Variants in IGSF3 observed in about 807,000 individuals in gnomAD.
The protein encoded by IGSF3 is glu-Trp-Ile EWI motif-containing protein 3.
IGSF3 carries 23 observed loss-of-function variants against 114.4 expected under a neutral mutation model. That is an observed-to-expected ratio of 0.20 (90% confidence interval 0.14 to 0.28). The LOEUF (loss-of-function observed/expected upper bound fraction) is 0.28. IGSF3 is among the 10% of genes least tolerant of loss of function. The probability of loss-of-function intolerance (pLI) is 1.00; values close to 1 mark genes in which losing one functional copy is unlikely to be tolerated. For missense variants in IGSF3, 1,172 were observed against 1,591.5 expected (o/e 0.74, Z 4.48); for synonymous variants, 571 against 645.2 (o/e 0.88, Z 1.74).
Position 116,616,681 on chromosome 1 carries a change from G to C in IGSF3, c.44-224C>G, listed in dbSNP as rs922682006. ...ATATATGGGAATTTGATCATGCCAA[G>C]ATGTGCTTTTGTTACTTATTCAACA... On this transcript the variant is annotated intron_variant, in intron 2 of 10. Transcript: ENST00000369486. This position sits in a 1 kb window ranked among gnomAD's most constrained non-coding sequence, Gnocchi z 6.6. Among the ~76,000 whole-genome samples, 1 of 152,186 alleles carries C rather than the reference G, an allele frequency of 6.6e-6. No individual in the cohort carries two copies. The highest frequency in any genetic ancestry group is 2.4e-5 in the African/African-American group (1 of 41,434).
In IGSF3 at chr1:116,586,949, TG is replaced by T. The variant is rs554525467; in HGVS notation, c.2440+1744del. Among the ~76,000 whole-genome samples the T allele has an allele frequency of 1.4e-3, 211 of 152,184 alleles. 1 individual carries two copies. The highest frequency in any genetic ancestry group is 4.9e-3 in the African/African-American group (202 of 41,534). ...GGAATCACTTCAGACCAGAGCTTCC[TG>T]TTTAATGCACCAGCAGAGGTTAGCA... On this transcript the variant is annotated intron_variant, in intron 8 of 10. Transcript: ENST00000369486.
rs1257352749 is a variant in IGSF3 at position 116,633,539 on chromosome 1, C to G, written c.44-17082G>C. On this transcript the variant is annotated intron_variant, in intron 2 of 10. Transcript: ENST00000369486. This position sits in a 1 kb window ranked among gnomAD's most constrained non-coding sequence, Gnocchi z 4.3. ...CCCTGCATTTCCCTAACTATATATT[C>G]CCCTATGCCATGGAAAGGTGCATGT... 6.6e-6 allele frequency among the ~76,000 whole-genome samples: 1 copy of G among 152,076 alleles called. No individual in the cohort carries two copies. Among genetic ancestry groups the G allele is most frequent in the African/African-American group, 2.4e-5 (1 of 41,406 alleles).
rs995613109 is a variant in IGSF3 at position 116,612,004 on chromosome 1, A to C, written c.832+1761T>G. Among the ~76,000 whole-genome samples the C allele has an allele frequency of 6.6e-6, 1 of 152,228 alleles. No individual in the cohort carries two copies. Among genetic ancestry groups the C allele is most frequent in the African/African-American group, 2.4e-5 (1 of 41,462 alleles). The stretch of plus-strand genomic sequence containing the variant: ...ACTGCTGAACCTAAACAGCACAGGA[A>C]TGCAGGGTGAAGTCATCAACTTTTT... On this transcript the variant is annotated intron_variant, in intron 4 of 10. Coordinates refer to ENST00000369486, the MANE Select transcript of IGSF3 (RefSeq NM_001007237.3). The surrounding 1 kb of genome is among the most constrained non-coding windows in gnomAD (Gnocchi z 4.1).
rs1276022099 is a variant in IGSF3, at chr1:116,651,328, C to A, written c.43+14956G>T. On this transcript the variant is annotated intron_variant, in intron 2 of 10. Coordinates refer to ENST00000369486, the MANE Select transcript of IGSF3 (RefSeq NM_001007237.3). The surrounding 1 kb of genome is among the most constrained non-coding windows in gnomAD (Gnocchi z 4.4). ...CTTTCCAGCATACTCTTCCCAGGTT[C>A]TTTGGGCTACTGACAAGCACTCCAG... Among the ~76,000 whole-genome samples, 1 of 152,204 alleles carries A rather than the reference C, an allele frequency of 6.6e-6. No homozygotes were observed. The highest frequency in any genetic ancestry group is 1.5e-5 in the Non-Finnish European group (1 of 68,032).
chr1:116,619,739 C>T (rs35021702), intron 2 of IGSF3, among the ~76,000 whole-genome samples: 1 of 152,070 alleles, frequency 6.6e-6, no homozygotes, highest in Non-Finnish European at 1.5e-5. Context: ...CCCTCCCAAC[C>T]TACAATAGAA....
At chr1:116,611,113 T>C (rs997637175) in intron 4 of IGSF3, among the ~76,000 whole-genome samples, 7 of 152,196 alleles carry the variant, frequency 4.6e-5, no homozygotes, top group African/African-American at 1.2e-4. Flanking sequence ...CTTTTCTACC[T>C]GGTCTCTTGG....
chr1:116,603,755 A>G lies in IGSF3; in HGVS notation c.1493T>C (p.Ile498Thr). 1 of 1,614,014 alleles carries G rather than the reference A, an allele frequency of 6.2e-7. No individual in the cohort carries two copies. The highest frequency in any genetic ancestry group is 2.2e-5 in the East Asian group (1 of 44,884). ...QVQPNSFSLG[I>T]FNSRKEDEGQ... ...CTCGTCCTCCTTCCTGCTGTTGAAG[A>G]TGCCCAGGCTGAACGAGTTGGGCTG... Residue 498 changes from isoleucine (I) to threonine (T), a missense_variant, in exon 6 of 11, where the codon ATC (isoleucine) becomes ACC (threonine). Around this residue, in one of 3 missense-constraint regions of IGSF3, gnomAD observed 736 missense variants for 1,042.0 expected, o/e 0.71. Transcript: ENST00000369486. This position sits in a 1 kb window ranked among gnomAD's most constrained non-coding sequence, Gnocchi z 7.1.
rs1659822811 is a variant in IGSF3 at position 116,585,879 on chromosome 1, G to A, written c.2441-827C>T. ...CACACTCCAGCCTGTGCAACAGAGT[G>A]AGACTGTCTCAAAAAAAAGAAAAAG... On this transcript the variant is annotated intron_variant, in intron 8 of 10. Coordinates refer to ENST00000369486, the MANE Select transcript of IGSF3 (RefSeq NM_001007237.3). The surrounding 1 kb of genome is among the most constrained non-coding windows in gnomAD (Gnocchi z 4.9). 6.6e-6 allele frequency among the ~76,000 whole-genome samples: 1 copy of A among 152,198 alleles called. No homozygotes were observed. Among genetic ancestry groups the A allele is most frequent in the Admixed American group, 6.5e-5 (1 of 15,282 alleles).
Position 116,577,070 on chromosome 1 carries a change from A to G in IGSF3, c.*242T>C. 1.9e-6 allele frequency: 1 copy of G among 520,126 alleles called. No individual in the cohort carries two copies. Among genetic ancestry groups the G allele is most frequent in the Non-Finnish European group, 3.4e-6 (1 of 290,560 alleles). 32.2% of individuals were successfully genotyped at this position (520,126 alleles called of 1,614,324 possible). A position where few individuals can be genotyped will look rare whatever the true frequency, so the allele number is the denominator to read the frequency against. Reference sequence around the variant, plus strand: ...GGAGCTACTCACTACATTACTAAAAACAGAAACAAGAAATCTATAATGGCA... The same window carrying G: ...GGAGCTACTCACTACATTACTAAAAGCAGAAACAAGAAATCTATAATGGCA... On this transcript the variant is annotated 3_prime_UTR_variant, in exon 11 of 11. Coordinates refer to ENST00000369486, the MANE Select transcript of IGSF3 (RefSeq NM_001007237.3). This position sits in a 1 kb window ranked among gnomAD's most constrained non-coding sequence, Gnocchi z 5.7.
At position 116,603,589 on chromosome 1, in the gene IGSF3, T is replaced by C. The variant is rs373260049; in HGVS notation, c.1624+35A>G. On this transcript the variant is annotated intron_variant, in intron 6 of 10. Coordinates refer to ENST00000369486, the MANE Select transcript of IGSF3 (RefSeq NM_001007237.3). The surrounding 1 kb of genome is among the most constrained non-coding windows in gnomAD (Gnocchi z 7.1). ...GTGTTTGACACTGAAGCTGTCTCCA[T>C]GCCAGACCCACTGCCAGTCCCACCG... 1.3e-6 allele frequency: 2 copies of C among 1,596,650 alleles called. No homozygotes were observed. Among genetic ancestry groups the C allele is most frequent in the Non-Finnish European group, 1.7e-6 (2 of 1,169,422 alleles).
Position 116,614,061 on chromosome 1 carries a change from A to T in IGSF3, c.536T>A (p.Leu179Gln), listed in dbSNP as rs757743010. The T allele has an allele frequency of 3.1e-6, 5 of 1,614,066 alleles. No individual in the cohort carries two copies. The highest frequency in any genetic ancestry group is 1.3e-5 in the African/African-American group (1 of 74,948). ...VASETIQHSHLSVAWLRQKVG... is the reference protein window; with the variant it reads ...VASETIQHSHQSVAWLRQKVG... ...TTTCTGCCGGAGCCAGGCCACAGACAGGTGGCTGTGCTGAATGGTCTCTGA... is the reference window on the plus strand; with the variant it reads ...TTTCTGCCGGAGCCAGGCCACAGACTGGTGGCTGTGCTGAATGGTCTCTGA... The change falls in exon 4 of 11, where the codon CTG (leucine) becomes CAG (glutamine). Residue 179 changes from leucine (L) to glutamine (Q), a missense_variant. Physicochemically the swap from Leu to Gln is moderately radical, Grantham distance 113. Around this residue, in one of 3 missense-constraint regions of IGSF3, gnomAD observed 736 missense variants for 1,042.0 expected, o/e 0.71. Transcript: ENST00000369486. This position sits in a 1 kb window ranked among gnomAD's most constrained non-coding sequence, Gnocchi z 4.5.
chr1:116,653,220 A>G (rs1648705387), intron 2 of IGSF3, among the ~76,000 whole-genome samples: 1 of 152,192 alleles, frequency 6.6e-6, no homozygotes, highest in East Asian at 1.9e-4. Context: ...ACAGAGTAAA[A>G]AGCCTACTTG....
chr1:116,652,279 A>G (rs563887795), intron 2 of IGSF3, among the ~76,000 whole-genome samples: 3 of 152,340 alleles, frequency 2.0e-5, no homozygotes, highest in Admixed American at 2.0e-4. Flanking sequence ...CAATTGGTGC[A>G]CTAATTGCAA....
At position 116,628,201 on chromosome 1, in the gene IGSF3, G is replaced by C. The variant is rs1378768893; in HGVS notation, c.44-11744C>G. On this transcript the variant is annotated intron_variant, in intron 2 of 10. Transcript: ENST00000369486. The surrounding 1 kb of genome is among the most constrained non-coding windows in gnomAD (Gnocchi z 4.2). The stretch of plus-strand genomic sequence containing the variant: ...TCACAGCACAGCTATGCCTTGCAAG[G>C]ACCAGAACTGGAAAACCTTTGTGAC... Among the ~76,000 whole-genome samples the C allele has an allele frequency of 6.6e-6, 1 of 152,030 alleles. No individual in the cohort carries two copies. Among genetic ancestry groups the C allele is most frequent in the East Asian group, 1.9e-4 (1 of 5,188 alleles).
In IGSF3 at chr1:116,595,420, G is replaced by A. The variant is rs1387867761; in HGVS notation, c.2029+4521C>T. On this transcript the variant is annotated intron_variant, in intron 7 of 10. Transcript: ENST00000369486. The surrounding 1 kb of genome is among the most constrained non-coding windows in gnomAD (Gnocchi z 4.2). Reference sequence around the variant, plus strand: ...AGAGGCCAGTCCTCTGAGGGATGGGGCAGCCATCCCTCAGAATGTGAAAGG... The same window carrying A: ...AGAGGCCAGTCCTCTGAGGGATGGGACAGCCATCCCTCAGAATGTGAAAGG... Among the ~76,000 whole-genome samples the A allele has an allele frequency of 1.3e-5, 2 of 152,168 alleles. No homozygotes were observed. The highest frequency in any genetic ancestry group is 2.4e-5 in the African/African-American group (1 of 41,434).
chr1:116,620,267 G>A (rs911971075), intron 2 of IGSF3, among the ~76,000 whole-genome samples: 4 of 152,184 alleles, frequency 2.6e-5, no homozygotes, highest in African/African-American at 7.2e-5. Flanking sequence ...AGCTGGCCAC[G>A]CTTAGAGTTG....
rs377756129 is a variant in IGSF3, at chr1:116,612,546, G to T, written c.832+1219C>A. ...ATGTATACTGTTAGCTGAGTCTGAA[G>T]CATTACTCTAGAATGGCAGAGAAAG... On this transcript the variant is annotated intron_variant, in intron 4 of 10. Transcript: ENST00000369486. The surrounding 1 kb of genome is among the most constrained non-coding windows in gnomAD (Gnocchi z 4.1). Among the ~76,000 whole-genome samples, 25 of 152,352 alleles carry T rather than the reference G, an allele frequency of 1.6e-4. No individual in the cohort carries two copies. In the South Asian group the frequency reaches 4.6e-3, roughly 28 times the overall value.
chr1:116,606,664 G>A (rs1360542471), intron 5 of IGSF3: 1 of 634,658 alleles, frequency 1.6e-6, no homozygotes, highest in African/African-American at 1.9e-5. Flanking sequence ...CCCTTCACTT[G>A]ATCCTTAGAA....
intron 4 of IGSF3, among the ~76,000 whole-genome samples, chr1:116,613,133 G>T (rs181651615): frequency 1.2e-3 from 190 of 152,268 alleles, no homozygotes; most frequent in Non-Finnish European, 2.2e-3. Flanking sequence ...AAAGTAATCT[G>T]CATTCAGCAT....
Sources: allele counts gnomAD v4.1 joint callset (sites outside exome capture counted in the v4.1 genomes callset), GRCh38; gene constraint gnomAD v4.1.1; regional missense constraint gnomAD v4.1.1; non-coding constraint Gnocchi (gnomAD v3.1); transcripts MANE v1.5; gene names NCBI Gene and HGNC (gene_info 2026-07-23, HGNC 2026-07-21).